BLMH: variants seen among roughly 807,000 people sequenced by gnomAD.
BLMH encodes the protein BLM hydrolase.
Under a neutral mutation model 61.6 loss-of-function variants are expected in BLMH, and 32 were observed. The observed-to-expected ratio is 0.52, with a 90% confidence interval of 0.39 to 0.70. BLMH has a LOEUF of 0.70. Among genes scored for constraint, BLMH ranks in the 30% least tolerant of loss-of-function variants. The pLI is 0.00. For synonymous variants in BLMH, 183 were observed against 193.8 expected (o/e 0.94, Z 0.46); for missense variants, 460 against 555.5 (o/e 0.83, Z 1.73).
At chr17:30,263,772 C>T (rs1176220826) in intron 11 of BLMH, among the ~76,000 whole-genome samples, 2 of 152,234 alleles carry the variant, frequency 1.3e-5, no homozygotes, top group Non-Finnish European at 2.9e-5. Context: ...GGAAAGGCAG[C>T]TTGCCCAGGT....
chr17:30,257,183 T>G (rs543898256), intron 11 of BLMH, among the ~76,000 whole-genome samples: 1 of 152,376 alleles, frequency 6.6e-6, no homozygotes, highest in African/African-American at 2.4e-5. Flanking sequence ...TTCTAAGCAC[T>G]GTACATATAT....
At chr17:30,288,586 A>G (rs8066126) in intron 3 of BLMH, among the ~76,000 whole-genome samples, 12,783 of 152,106 alleles carry the variant, frequency 0.084, 835 homozygotes, top group African/African-American at 0.17. Flanking sequence ...GGCTCAAGCA[A>G]TCCTCTCACC....
intron 11 of BLMH, among the ~76,000 whole-genome samples, chr17:30,259,931 T>C (rs942053258): frequency 2.0e-5 from 3 of 152,200 alleles, no homozygotes; most frequent in African/African-American, 7.2e-5. Flanking sequence ...TTTAGAGATC[T>C]GAAACTGGAA....
intron 6 of BLMH, among the ~76,000 whole-genome samples, chr17:30,283,462 A>G (rs1159626906): frequency 6.6e-6 from 1 of 150,542 alleles, no homozygotes; most frequent in Non-Finnish European, 1.5e-5. Flanking sequence ...AGCAAGTATT[A>G]TCTGGGCCCT....
chr17:30,272,558 C>T lies in BLMH; in HGVS notation c.1028+3G>A, dbSNP rs201046057. The T allele has an allele frequency of 1.5e-5, 24 of 1,614,134 alleles. No homozygotes were observed. The Admixed American group carries it at 1.5e-4, about 10-fold the overall frequency. ...CTTTCCATTTTAAATTTCCTGCACT[C>T]ACAGATTCATGTCACTGAGGCCCAG... On this transcript the variant is annotated splice_donor_region_variant and intron_variant, in intron 9 of 11. Transcript: ENST00000261714.
intron 10 of BLMH, among the ~76,000 whole-genome samples, chr17:30,270,345 CA>C (rs1597661824): frequency 6.6e-6 from 1 of 151,736 alleles, no homozygotes; most frequent in African/African-American, 2.4e-5. Flanking sequence ...ACTAAAAATA[CA>C]AAAAAATCAG....
chr17:30,255,655 T>C (rs1290065913), intron 11 of BLMH, among the ~76,000 whole-genome samples: 2 of 152,090 alleles, frequency 1.3e-5, no homozygotes, highest in African/African-American at 2.4e-5. Context: ...TCCCAGCACT[T>C]TGGGAGGCCG....
rs561801354 is a variant in BLMH at position 30,259,977 on chromosome 17, A to G, written c.1216+6908T>C. Among the ~76,000 whole-genome samples the G allele has an allele frequency of 4.5e-4, 69 of 152,282 alleles. No individual in the cohort carries two copies. The Middle Eastern group carries it at 0.017, about 38-fold the overall frequency. On this transcript the variant is annotated intron_variant, in intron 11 of 11. Transcript: ENST00000261714. The stretch of plus-strand genomic sequence containing the variant: ...AGTTAGATGCCCTCCTCTAGAAGGG[A>G]AAGGTTAGGGAGCTTCATGTTCTTG...
intron 11 of BLMH, among the ~76,000 whole-genome samples, chr17:30,264,820 T>C (rs1237080013): frequency 1.3e-5 from 2 of 152,228 alleles, no homozygotes; most frequent in African/African-American, 4.8e-5. Context: ...ATCTTATGTT[T>C]GCTAGAAATA....
Position 30,287,694 on chromosome 17 carries a change from T to A in BLMH, c.463+112A>T, listed in dbSNP as rs1908769670. 9 of 1,263,642 alleles carry A rather than the reference T, an allele frequency of 7.1e-6. No individual in the cohort carries two copies. The South Asian group carries it at 1.4e-4, about 20-fold the overall frequency. The allele number at this position is 1,263,642 out of a possible 1,614,324, so 78.3% of individuals were successfully genotyped here. A position where few individuals can be genotyped will look rare whatever the true frequency, so the allele number is the denominator to read the frequency against. ...GTCCTTAGAAATAACTATATATCCTTCTTGGAGACCAATTCTACTCTGTAC... is the reference window on the plus strand; with the variant it reads ...GTCCTTAGAAATAACTATATATCCTACTTGGAGACCAATTCTACTCTGTAC... On this transcript the variant is annotated intron_variant, in intron 4 of 11. Coordinates refer to ENST00000261714, the MANE Select transcript of BLMH (RefSeq NM_000386.4).
Position 30,278,303 on chromosome 17 carries a change from GAACA to G in BLMH, c.646-4110_646-4107del, listed in dbSNP as rs1428784206. ...TTGGCATCCAGGACAAAAAGATACT[GAACA>G]GTGAACACAAGAGATTATACAGAAT... On this transcript the variant is annotated intron_variant, in intron 6 of 11. Transcript: ENST00000261714. Among the ~76,000 whole-genome samples the G allele has an allele frequency of 6.6e-5, 10 of 152,224 alleles. No homozygotes were observed. The South Asian group carries it at 1.7e-3, about 25-fold the overall frequency.
intron 6 of BLMH, among the ~76,000 whole-genome samples, chr17:30,282,879 G>A (rs2143034121): frequency 6.6e-6 from 1 of 152,332 alleles, no homozygotes; most frequent in African/African-American, 2.4e-5. Flanking sequence ...CTTATACACA[G>A]GGCCAGGTAT....
At chr17:30,288,026 G>A (rs1908777988) in intron 3 of BLMH, 79 bp from the exon 4 acceptor site, 1 of 1,366,074 alleles carries the variant, frequency 7.3e-7, no homozygotes, top group Non-Finnish European at 1.0e-6. Flanking sequence ...CAGAATGGGA[G>A]TCTTGGAATT....
chr17:30,275,634 C>T lies in BLMH; in HGVS notation c.646-1437G>A, dbSNP rs548197878. ...CCAGGAGGCAGAGGTTGCAGTGAGC[C>T]GAGATCATGCCATTGCACTCTGGCC... On this transcript the variant is annotated intron_variant, in intron 6 of 11. Transcript: ENST00000261714. Among the ~76,000 whole-genome samples, 187 of 151,800 alleles carry T rather than the reference C, an allele frequency of 1.2e-3. 1 individual carries two copies. The Middle Eastern group carries it at 0.02, about 17-fold the overall frequency.
At chr17:30,284,045 C>A (rs561780712) in intron 6 of BLMH, among the ~76,000 whole-genome samples, 1 of 152,292 alleles carries the variant, frequency 6.6e-6, no homozygotes, top group South Asian at 2.1e-4. Context: ...AAGTAACTTA[C>A]CTAGGATCAC....
chr17:30,259,959 T>C (rs1202978448), intron 11 of BLMH, among the ~76,000 whole-genome samples: 1 of 152,216 alleles, frequency 6.6e-6, no homozygotes, highest in Non-Finnish European at 1.5e-5. Flanking sequence ...GCAAGTTAGA[T>C]GCCCTCCTCT....
At chr17:30,261,207 G>T (rs1314024159) in intron 11 of BLMH, among the ~76,000 whole-genome samples, 1 of 152,140 alleles carries the variant, frequency 6.6e-6, no homozygotes, top group Non-Finnish European at 1.5e-5. Flanking sequence ...AGCTGTCTGT[G>T]TCAAATTAAG....
chr17:30,265,780 T>C (rs1373510614), intron 11 of BLMH, among the ~76,000 whole-genome samples: 2 of 152,212 alleles, frequency 1.3e-5, no homozygotes, highest in Non-Finnish European at 2.9e-5. Context: ...TGAATCTACA[T>C]GCTCACAGGT....
At chr17:30,275,105 T>TG (rs1271550312) in intron 6 of BLMH, among the ~76,000 whole-genome samples, 6 of 150,770 alleles carry the variant, frequency 4.0e-5, no homozygotes, top group Non-Finnish European at 8.8e-5. Flanking sequence ...TGGTCACAGC[T>TG]ACTCAGGAGG....
Sources: allele counts gnomAD v4.1 joint callset (sites outside exome capture counted in the v4.1 genomes callset), GRCh38; gene constraint gnomAD v4.1.1; transcripts MANE v1.5; gene names NCBI Gene and HGNC (gene_info 2026-07-23, HGNC 2026-07-21).